IL1RN: variants seen among roughly 807,000 people sequenced by gnomAD.
IL1RN encodes interleukin-1 receptor antagonist protein.
In IL1RN, 10 loss-of-function variants were observed where a neutral mutation model predicts 13.7. The observed-to-expected ratio is 0.73, with a 90% CI of 0.45 to 1.24. IL1RN has a LOEUF of 1.24. IL1RN is among the 50% of genes most tolerant of loss of function. The probability of loss-of-function intolerance (pLI) is 0.00; values close to 1 mark genes in which losing one functional copy is unlikely to be tolerated. For missense variants in IL1RN, 213 were observed against 222.1 expected (o/e 0.96, Z 0.26); for synonymous variants, 102 against 82.7 (o/e 1.23, Z -1.27).
upstream of IL1RN, among the ~76,000 whole-genome samples, chr2:113,102,634 G>C (rs531420173): frequency 6.6e-6 from 1 of 152,148 alleles, no homozygotes; most frequent in Non-Finnish European, 1.5e-5. Flanking sequence ...GAGAGTCAGC[G>C]AAGGGAGATG....
In IL1RN at chr2:113,111,334, T is replaced by C. The variant is rs571924878; in HGVS notation, c.-388+135T>C. 1.0e-3 allele frequency: 153 copies of C among 152,324 alleles called. 1 individual carries two copies. The highest frequency in any genetic ancestry group is 3.6e-3 in the African/African-American group (148 of 41,568). 9.4% of individuals were successfully genotyped at this position (152,324 alleles called of 1,614,324 possible). ...GCTGAACTGGCATTTCCTGACTACA[T>C]ATCTAGTGTTTATTTATGGAGAAGG... On this transcript the variant is annotated intron_variant, in intron 1 of 8. Coordinates refer to the IL1RN transcript ENST00000409052.
rs557062837 is a variant in IL1RN, at chr2:113,112,004, T to C, written c.-388+805T>C. ...TGAGGCAACCCCAGACTTTGGGTTG[T>C]TGTTTGCTGGGCACAGCCTCCTTTT... is the stretch of plus-strand genomic sequence containing the variant. On this transcript the variant is annotated intron_variant, in intron 1 of 8. Coordinates refer to the IL1RN transcript ENST00000409052. 3.9e-5 allele frequency among the ~76,000 whole-genome samples: 6 copies of C among 152,380 alleles called. No individual in the cohort carries two copies. The South Asian group carries it at 1.0e-3, about 26-fold the overall frequency.
At position 113,132,676 on chromosome 2, in the gene IL1RN, G is replaced by A. The variant is rs1573311515; in HGVS notation, c.339G>A (p.Leu113=). The change falls in exon 4 of 4, where the codon CTG becomes CTA. Residue 113 remains leucine (L), a synonymous_variant. Coordinates refer to ENST00000409930, the MANE Select transcript of IL1RN (RefSeq NM_173842.3). Reference sequence around the variant, plus strand: ...TCCAGGCAGTTAACATCACTGACCTGAGCGAGAACAGAAAGCAGGACAAGC... The same window carrying A: ...TCCAGGCAGTTAACATCACTGACCTAAGCGAGAACAGAAAGCAGGACAAGC... The part of the protein sequence containing the change: ...LQLEAVNITD[L]SENRKQDKRF... 1.2e-6 allele frequency: 2 copies of A among 1,614,208 alleles called. No homozygotes were observed. Among genetic ancestry groups the A allele is most frequent in the Non-Finnish European group, 1.7e-6 (2 of 1,180,044 alleles).
intron 2 of IL1RN, chr2:113,121,760 G>T: frequency 4.4e-6 from 1 of 229,404 alleles, no homozygotes; most frequent in Non-Finnish European, 7.2e-6. Context: ...GCTGCAGCTT[G>T]GTGGGTAGAG....
chr2:113,124,587 T>C (rs980940689), upstream of IL1RN, among the ~76,000 whole-genome samples: 1 of 152,060 alleles, frequency 6.6e-6, no homozygotes, highest in African/African-American at 2.4e-5. Context: ...TTACCTGGGG[T>C]AAAGAAGCAT....
At chr2:113,102,692 T>G (rs1343140781), upstream of IL1RN, among the ~76,000 whole-genome samples, 1 of 151,420 alleles carries the variant, frequency 6.6e-6, no homozygotes, top group Non-Finnish European at 1.5e-5. Context: ...AAAATTACAG[T>G]CAAAGGGGGT....
At chr2:113,120,020 C>T (rs1686714392) in intron 1 of IL1RN, 1 of 1,472,852 alleles carries the variant, frequency 6.8e-7, no homozygotes, top group Non-Finnish European at 9.5e-7. Flanking sequence ...TTCTCTGGAC[C>T]TCTGCTTTCT....
chr2:113,126,995 G>A (rs937180519), upstream of IL1RN, among the ~76,000 whole-genome samples: 103 of 152,318 alleles, frequency 6.8e-4, no homozygotes, highest in African/African-American at 2.4e-3. Context: ...TCCATTCCCC[G>A]CTTTTGCAAA....
At chr2:113,127,798 A>G (rs1573301991) in intron 1 of IL1RN, 58 bp downstream of exon 1, 1 of 1,557,164 alleles carries the variant, frequency 6.4e-7, no homozygotes, top group East Asian at 2.2e-5. Flanking sequence ...CTGGAAACAT[A>G]TCACAGCTGC....
At chr2:113,109,360 A>G (rs1036313811), upstream of IL1RN, among the ~76,000 whole-genome samples, 1 of 150,936 alleles carries the variant, frequency 6.6e-6, no homozygotes, top group Non-Finnish European at 1.5e-5. Flanking sequence ...TGTGGTGAGC[A>G]GAGATTGTGC....
upstream of IL1RN, among the ~76,000 whole-genome samples, chr2:113,102,300 C>T (rs1290957215): frequency 6.6e-6 from 1 of 152,210 alleles, no homozygotes; most frequent in Non-Finnish European, 1.5e-5. Flanking sequence ...GTGTCTCTAC[C>T]TCTTCTTATA....
chr2:113,117,533 T>C (rs1326660210), upstream of IL1RN: 1 of 174,634 alleles, frequency 5.7e-6, no homozygotes, highest in Admixed American at 5.6e-5. Context: ...TTTTCCTTTG[T>C]TAGAGCGTTG....
upstream of IL1RN, among the ~76,000 whole-genome samples, chr2:113,122,630 T>C (rs1473524476): frequency 1.3e-5 from 2 of 152,214 alleles, no homozygotes; most frequent in Admixed American, 6.5e-5. Flanking sequence ...CTGTCCACTG[T>C]CTCCAACACG....
In IL1RN at chr2:113,132,992, C is replaced by A; in HGVS notation, c.*121C>A. The A allele has an allele frequency of 1.1e-6, 1 of 933,500 alleles. No individual in the cohort carries two copies. The highest frequency in any genetic ancestry group is 1.3e-5 in the South Asian group (1 of 74,238). The allele number at this position is 933,500 out of a possible 1,614,324, so 57.8% of individuals were successfully genotyped here. On this transcript the variant is annotated 3_prime_UTR_variant, in exon 4 of 4. Coordinates refer to ENST00000409930, the MANE Select transcript of IL1RN (RefSeq NM_173842.3). The stretch of plus-strand genomic sequence containing the variant: ...AGGACCAGCCATTGAGGGGTGGACC[C>A]TCAGAAGGCGTCACAACAACCTGGT...
rs2232354 is a variant in IL1RN, at chr2:113,129,758, T to G, written c.205+94T>G. The G allele has an allele frequency of 0.18, 154,031 of 846,010 alleles. 15,930 individuals are homozygous for G. The highest frequency in any genetic ancestry group is 0.32 in the Middle Eastern group (1,462 of 4,566). 52.4% of individuals were successfully genotyped at this position (846,010 alleles called of 1,614,324 possible). A position where few individuals can be genotyped will look rare whatever the true frequency, so the allele number is the denominator to read the frequency against. On this transcript the variant is annotated intron_variant, in intron 2 of 3. Transcript: ENST00000409930. ...ATGGCCTGCCTGCACAAACCCTAGG[T>G]GCAATGTCCTAATCCTTGTTGGGTC...
upstream of IL1RN, among the ~76,000 whole-genome samples, chr2:113,108,340 A>T (rs143828510): frequency 0.012 from 1,871 of 152,064 alleles, 36 homozygotes; most frequent in African/African-American, 0.043. Context: ...TACATGTGCC[A>T]CATTGGTGTG....
chr2:113,129,734 T>TG (rs1687094740), intron 2 of IL1RN, 70 bp downstream of exon 2: 28 of 977,386 alleles, frequency 2.9e-5, no homozygotes, highest in Non-Finnish European at 4.7e-5. Flanking sequence ...TGCAGCAGCA[T>TG]GGCCTGCCTG....
At chr2:113,124,676 C>A (rs530633077), upstream of IL1RN, among the ~76,000 whole-genome samples, 2 of 152,266 alleles carry the variant, frequency 1.3e-5, no homozygotes, top group East Asian at 3.9e-4. Context: ...TTCATTCAAT[C>A]CTTATAGTAA....
At chr2:113,122,255 C>T (rs566150322) in intron 2 of IL1RN, among the ~76,000 whole-genome samples, 16 of 152,230 alleles carry the variant, frequency 1.1e-4, no homozygotes, top group South Asian at 2.1e-4. Context: ...TAAAGCTTCC[C>T]GACAAACTAG....
Sources: allele counts gnomAD v4.1 joint callset (sites outside exome capture counted in the v4.1 genomes callset), GRCh38; gene constraint gnomAD v4.1.1; transcripts MANE v1.5; gene names NCBI Gene and HGNC (gene_info 2026-07-23, HGNC 2026-07-21).